CPNE5: variants seen among roughly 807,000 people sequenced by gnomAD.
CPNE5 encodes copine-5.
A neutral mutation model predicts 81.1 loss-of-function variants in CPNE5; 42 were observed. The ratio of observed to expected loss-of-function variants is 0.52; its 90% CI spans 0.40 to 0.67. The LOEUF (loss-of-function observed/expected upper bound fraction) is 0.67. Among genes scored for constraint, CPNE5 ranks in the 30% least tolerant of loss-of-function variants. The pLI is 0.00. For synonymous variants in CPNE5, 313 were observed against 321.5 expected (o/e 0.97, Z 0.28); for missense variants, 612 against 815.5 (o/e 0.75, Z 3.04).
chr6:36,770,256 C>T (rs776425080), intron 10 of CPNE5, among the ~76,000 whole-genome samples: 6 of 152,164 alleles, frequency 3.9e-5, no homozygotes, highest in Non-Finnish European at 7.3e-5. Flanking sequence ...AGGCCAGAGG[C>T]AATTTCAACA....
At chr6:36,834,877 C>T (rs1211565747) in intron 1 of CPNE5, among the ~76,000 whole-genome samples, 1 of 152,130 alleles carries the variant, frequency 6.6e-6, no homozygotes, top group Non-Finnish European at 1.5e-5. Context: ...TCCCCCAAAC[C>T]ACCCTCTCCC....
intron 3 of CPNE5, among the ~76,000 whole-genome samples, chr6:36,820,236 G>T (rs1357392238): frequency 6.6e-6 from 1 of 152,012 alleles, no homozygotes; most frequent in Admixed American, 6.6e-5. Context: ...TCTCCTGTGA[G>T]GGCTCAGTGA....
chr6:36,800,179 A>G, intron 3 of CPNE5, 109 bp from the exon 4 acceptor site: 1 of 679,984 alleles, frequency 1.5e-6, no homozygotes, highest in Non-Finnish European at 2.5e-6. Flanking sequence ...TCTGGCAGTT[A>G]TGAAAGCCCT....
chr6:36,765,464 T>C (rs1258691441), intron 10 of CPNE5, 88 bp from the exon 11 acceptor site: 4 of 1,520,368 alleles, frequency 2.6e-6, no homozygotes, highest in Non-Finnish European at 3.6e-6. Context: ...CCGGACCAGA[T>C]AGGGAGGCCA....
chr6:36,756,090 T>C, intron 13 of CPNE5, 155 bp downstream of exon 13: 2 of 616,808 alleles, frequency 3.2e-6, no homozygotes, highest in South Asian at 3.9e-5. Flanking sequence ...TGTTGCTCCA[T>C]CTGCCCCACC....
chr6:36,746,255 A>T lies in CPNE5; in HGVS notation c.1200+141T>A. The T allele has an allele frequency of 7.1e-7, 1 of 1,412,456 alleles. No homozygotes were observed. The highest frequency in any genetic ancestry group is 1.5e-5 in the South Asian group (1 of 65,326). 87.5% of individuals were successfully genotyped at this position (1,412,456 alleles called of 1,614,324 possible). On this transcript the variant is annotated intron_variant, in intron 16 of 20. Coordinates refer to ENST00000244751, the MANE Select transcript of CPNE5 (RefSeq NM_020939.2). The surrounding 1 kb of genome is among the most constrained non-coding windows in gnomAD (Gnocchi z 4.5). The stretch of plus-strand genomic sequence containing the variant: ...GGGAGTGGATTTCTGGAGCCCCCCT[A>T]CACACAGCAGGCAGTCTACCTCCAC...
At chr6:36,754,264 A>C (rs936572287) in intron 13 of CPNE5, 3 of 148,694 alleles carry the variant, frequency 2.0e-5, no homozygotes, top group Admixed American at 6.7e-5. Flanking sequence ...CTGCAGACAC[A>C]GTTGACCACT....
chr6:36,743,691 G>A lies in CPNE5; in HGVS notation c.1561C>T (p.Gln521Ter), dbSNP rs1354536114. The A allele has an allele frequency of 1.2e-6, 2 of 1,613,256 alleles. No homozygotes were observed. Among genetic ancestry groups the A allele is most frequent in the Non-Finnish European group, 1.7e-6 (2 of 1,179,820 alleles). Residue 521 changes from glutamine to a stop codon, truncating the protein, a stop_gained and splice_region_variant, in exon 20 of 21, where the codon CAG (glutamine) becomes TAG (stop). Coordinates refer to ENST00000244751, the MANE Select transcript of CPNE5 (RefSeq NM_020939.2). LOFTEE classifies it high-confidence loss of function. ...GGCAGGCAAGGCCTGGGCTTCACCT[G>A]GACGATGTCGCGTTCAGCCAGCTTC... ...RGKLAERDIVQFVPFRDYVDR... is the reference protein window; with the variant it reads ...RGKLAERDIV
intron 16 of CPNE5, 150 bp from the exon 17 acceptor site, chr6:36,745,665 C>T: frequency 2.3e-6 from 2 of 851,906 alleles, no homozygotes; most frequent in Non-Finnish European, 1.8e-6. Flanking sequence ...GAGGGAGCTC[C>T]CAGGGCCCAT....
chr6:36,764,558 G>T (rs146866914), intron 11 of CPNE5, among the ~76,000 whole-genome samples: 2 of 152,278 alleles, frequency 1.3e-5, no homozygotes, highest in African/African-American at 4.8e-5. Flanking sequence ...CAAAAGTCAG[G>T]GTGACATATT....
At chr6:36,754,597 T>C (rs1160350758) in intron 13 of CPNE5, 2 of 152,192 alleles carry the variant, frequency 1.3e-5, no homozygotes, top group East Asian at 1.9e-4. Flanking sequence ...CCCGGGTGAT[T>C]TTTCGCGATG....
intron 4 of CPNE5, among the ~76,000 whole-genome samples, chr6:36,799,683 C>A (rs1769931899): frequency 6.6e-6 from 1 of 152,202 alleles, no homozygotes; most frequent in Non-Finnish European, 1.5e-5. Context: ...CCTTCAGGAT[C>A]TTTCCTCAGC....
chr6:36,799,537 T>A (rs1308515937), intron 4 of CPNE5, among the ~76,000 whole-genome samples: 2 of 152,076 alleles, frequency 1.3e-5, no homozygotes, highest in African/African-American at 2.4e-5. Context: ...CTGAGCCCCA[T>A]CAGCCAGGCC....
chr6:36,784,560 T>A lies in CPNE5; in HGVS notation c.529-5603A>T, dbSNP rs115840923. On this transcript the variant is annotated intron_variant, in intron 8 of 20. Transcript: ENST00000244751. Reference sequence around the variant, plus strand: ...AATAAGATGGACAGGGCCAGCAGGATAACAGAGCAGCAAATTCTGGCTGAG... The same window carrying A: ...AATAAGATGGACAGGGCCAGCAGGAAAACAGAGCAGCAAATTCTGGCTGAG... Among the ~76,000 whole-genome samples, 313 of 152,306 alleles carry A rather than the reference T, an allele frequency of 2.1e-3. 2 individuals are homozygous for A. Among genetic ancestry groups the A allele is most frequent in the African/African-American group, 6.8e-3 (283 of 41,578 alleles).
At chr6:36,808,912 G>A (rs897315078) in intron 3 of CPNE5, among the ~76,000 whole-genome samples, 4 of 152,198 alleles carry the variant, frequency 2.6e-5, no homozygotes, top group African/African-American at 9.7e-5. Flanking sequence ...ATAGGAACGG[G>A]ATTCAAACCC....
chr6:36,792,206 G>T, intron 7 of CPNE5, 110 bp from the exon 8 acceptor site: 1 of 1,111,024 alleles, frequency 9.0e-7, no homozygotes, highest in Non-Finnish European at 1.3e-6. Context: ...CTACCATCCA[G>T]CAGATCACCC....
chr6:36,775,999 C>A (rs1050745610), intron 9 of CPNE5, among the ~76,000 whole-genome samples: 7 of 152,170 alleles, frequency 4.6e-5, no homozygotes, highest in African/African-American at 1.7e-4. Context: ...TCTTTAAGAC[C>A]CTTTCTGCTT....
chr6:36,786,436 C>T (rs916586024), intron 8 of CPNE5, among the ~76,000 whole-genome samples: 3 of 152,202 alleles, frequency 2.0e-5, no homozygotes, highest in Non-Finnish European at 2.9e-5. Context: ...GTCTTAATGA[C>T]TGACTTCCCA....
At chr6:36,752,196 C>T (rs980588347) in intron 14 of CPNE5, among the ~76,000 whole-genome samples, 1 of 152,170 alleles carries the variant, frequency 6.6e-6, no homozygotes, top group African/African-American at 2.4e-5. Flanking sequence ...GGCAGTTGCT[C>T]CTGCCTGTCT....
Sources: gnomAD v4.1 joint callset for allele counts (sites outside exome capture counted in the v4.1 genomes callset) on GRCh38, gnomAD v4.1.1 for gene constraint, Gnocchi (gnomAD v3.1) non-coding constraint, MANE v1.5 for transcripts, NCBI Gene and HGNC (gene_info 2026-07-23, HGNC 2026-07-21) for gene names.